The following ASIC2 variants were observed in gnomAD, a reference collection of about 807,000 sequenced individuals.
ASIC2 encodes acid-sensing ion channel 2.
Under a neutral mutation model 57.3 loss-of-function variants are expected in ASIC2, and 25 were observed. The observed-to-expected ratio is 0.44, with a 90% CI of 0.32 to 0.61. The LOEUF (loss-of-function observed/expected upper bound fraction) is 0.61. ASIC2 is among the 20% of genes least tolerant of loss of function. The pLI, the probability that ASIC2 is intolerant of heterozygous loss-of-function variation, is 0.06. For missense variants in ASIC2, 641 were observed against 738.1 expected (o/e 0.87, Z 1.52); for synonymous variants, 319 against 307.5 (o/e 1.04, Z -0.39).
chr17:34,019,801 A>G (rs140810085), intron 1 of ASIC2, among the ~76,000 whole-genome samples: 289 of 152,318 alleles, frequency 1.9e-3, no homozygotes, highest in African/African-American at 6.7e-3. Context: ...TGTATTTGTC[A>G]TGATTCTGAG....
At chr17:33,199,548 C>T (rs1221364420) in intron 1 of ASIC2, among the ~76,000 whole-genome samples, 2 of 152,184 alleles carry the variant, frequency 1.3e-5, no homozygotes, top group East Asian at 1.9e-4. Flanking sequence ...CTTTCATGTG[C>T]TGTGGCTTGG....
intron 1 of ASIC2, among the ~76,000 whole-genome samples, chr17:33,783,334 T>C (rs898101336): frequency 6.6e-6 from 1 of 152,218 alleles, no homozygotes; most frequent in Non-Finnish European, 1.5e-5. Context: ...ATCTTGGCCA[T>C]GTAACATAAC....
At chr17:33,877,263 C>A (rs2141936328) in intron 1 of ASIC2, among the ~76,000 whole-genome samples, 1 of 152,200 alleles carries the variant, frequency 6.6e-6, no homozygotes, top group East Asian at 1.9e-4. Flanking sequence ...GAGTGTCGGA[C>A]AGTGGGTGCA....
At chr17:33,449,681 G>A (rs12451584) in intron 1 of ASIC2, among the ~76,000 whole-genome samples, 27,807 of 152,038 alleles carry the variant, frequency 0.18, 2,677 homozygotes, top group East Asian at 0.25. Flanking sequence ...TATACATAAA[G>A]CGTTATAGAC....
intron 1 of ASIC2, among the ~76,000 whole-genome samples, chr17:33,954,698 G>A (rs1387851281): frequency 2.0e-5 from 3 of 152,316 alleles, no homozygotes; most frequent in South Asian, 4.1e-4. Context: ...GCTCTGCCAC[G>A]AAGCTGTGAG....
chr17:33,120,024 C>T (rs1254368821), intron 1 of ASIC2, among the ~76,000 whole-genome samples: 1 of 152,182 alleles, frequency 6.6e-6, no homozygotes, highest in African/African-American at 2.4e-5. Context: ...GTTATTCTTC[C>T]CAGCTTACAG....
chr17:34,059,152 C>A (rs1165859898), intron 1 of ASIC2, among the ~76,000 whole-genome samples: 1 of 152,100 alleles, frequency 6.6e-6, no homozygotes, highest in African/African-American at 2.4e-5. Context: ...TCCTGCAGGA[C>A]CTGGGAGACA....
intron 1 of ASIC2, among the ~76,000 whole-genome samples, chr17:33,315,314 C>T (rs1324597019): frequency 6.6e-6 from 1 of 152,184 alleles, no homozygotes; most frequent in East Asian, 1.9e-4. Context: ...AGGGAGAAAA[C>T]ATGGGCCTGC....
chr17:33,344,760 G>A (rs899695629), intron 1 of ASIC2, among the ~76,000 whole-genome samples: 2 of 152,070 alleles, frequency 1.3e-5, no homozygotes, highest in African/African-American at 2.4e-5. Flanking sequence ...CTTTAAGAAT[G>A]TATATATTTA....
intron 1 of ASIC2, among the ~76,000 whole-genome samples, chr17:33,686,218 C>T (rs1414126499): frequency 3.9e-5 from 6 of 152,030 alleles, no homozygotes; most frequent in East Asian, 1.9e-4. Context: ...GTGCAAGTAC[C>T]GGCACAGGTA....
chr17:33,151,271 G>T (rs1245999203), intron 1 of ASIC2, among the ~76,000 whole-genome samples: 3 of 151,520 alleles, frequency 2.0e-5, no homozygotes, highest in Non-Finnish European at 4.4e-5. Context: ...CTACTCTGGA[G>T]GCTGAGGCAG....
intron 1 of ASIC2, among the ~76,000 whole-genome samples, chr17:33,970,262 C>T (rs1905190786): frequency 6.6e-6 from 1 of 152,192 alleles, no homozygotes; most frequent in Non-Finnish European, 1.5e-5. Context: ...AAGTTGCCCC[C>T]AGGTGAGAAC....
chr17:33,797,412 T>A (rs1911948884), intron 1 of ASIC2, among the ~76,000 whole-genome samples: 2 of 152,174 alleles, frequency 1.3e-5, no homozygotes, highest in African/African-American at 4.8e-5. Flanking sequence ...AATGAGTTAG[T>A]AATGCAGAAT....
rs531599890 is a variant in ASIC2, at chr17:33,169,442, C to T, written c.709-57375G>A. Among the ~76,000 whole-genome samples the T allele has an allele frequency of 5.3e-4, 81 of 152,366 alleles. 1 individual carries two copies. Among genetic ancestry groups the T allele is most frequent in the African/African-American group, 1.9e-3 (78 of 41,590 alleles). ...GCTGTGAAAATTCATTTAGATGAGACTGGTAAACCACTCGGCTCAGTGCCT... is the reference window on the plus strand; with the variant it reads ...GCTGTGAAAATTCATTTAGATGAGATTGGTAAACCACTCGGCTCAGTGCCT... On this transcript the variant is annotated intron_variant, in intron 1 of 9. Transcript: ENST00000225823.
In ASIC2 at chr17:34,044,100, T is replaced by TCACACA. The variant is rs542633112; in HGVS notation, c.555+111872_555+111877dup. On this transcript the variant is annotated intron_variant, in intron 1 of 9. Transcript: ENST00000359872. ...AATAAAAGTGGGCCATACCCTTGAA[T>TCACACA]CACACACACACACACACACACACAC... Among the ~76,000 whole-genome samples the TCACACA allele has an allele frequency of 6.8e-5, 10 of 146,372 alleles. No individual in the cohort carries two copies. In the South Asian group the frequency reaches 1.3e-3, roughly 19 times the overall value.
At chr17:33,678,373 TG>T (rs1780602842) in intron 1 of ASIC2, among the ~76,000 whole-genome samples, 1 of 151,960 alleles carries the variant, frequency 6.6e-6, no homozygotes, top group Non-Finnish European at 1.5e-5. Context: ...ATCTGTTCTC[TG>T]TGGGTTGAGG....
intron 1 of ASIC2, among the ~76,000 whole-genome samples, chr17:33,425,263 A>G (rs1339291101): frequency 2.0e-5 from 3 of 152,244 alleles, no homozygotes; most frequent in Non-Finnish European, 4.4e-5. Flanking sequence ...CCTGGCACAT[A>G]GAGACCTTGA....
At chr17:33,799,711 T>C (rs1912074228) in intron 1 of ASIC2, among the ~76,000 whole-genome samples, 1 of 151,490 alleles carries the variant, frequency 6.6e-6, no homozygotes, top group Non-Finnish European at 1.5e-5. Context: ...TGCTCTGTCA[T>C]GAAGAAAACA....
chr17:33,121,812 T>A (rs1357597697), intron 1 of ASIC2, among the ~76,000 whole-genome samples: 3 of 151,508 alleles, frequency 2.0e-5, no homozygotes, highest in Non-Finnish European at 4.4e-5. Context: ...TTTCACAGAG[T>A]GGATAATTAT....
Sources: gnomAD v4.1 joint callset for allele counts (sites outside exome capture counted in the v4.1 genomes callset) on GRCh38, gnomAD v4.1.1 for gene constraint, MANE v1.5 for transcripts, NCBI Gene and HGNC (gene_info 2026-07-23, HGNC 2026-07-21) for gene names.